The following KRR1 variants were observed in gnomAD, a reference collection of about 807,000 sequenced individuals.
KRR1 encodes the protein KRR1 small subunit processome component.
Under a neutral mutation model 50.0 loss-of-function variants are expected in KRR1, and 23 were observed. The observed-to-expected ratio is 0.46, with a 90% CI of 0.33 to 0.65. The LOEUF is 0.65. Among genes scored for constraint, KRR1 ranks in the 30% least tolerant of loss-of-function variants. KRR1 has a pLI of 0.02. For synonymous variants in KRR1, 133 were observed against 146.3 expected, an observed-to-expected ratio of 0.91 and a Z score of 0.66; for missense variants, 419 against 442.4, an observed-to-expected ratio of 0.95 and a Z score of 0.47.
In KRR1 at chr12:75,499,161, A is replaced by G. The variant is rs1490611516; in HGVS notation, c.*648T>C. The G allele has an allele frequency of 4.6e-6, 2 of 439,522 alleles. No homozygotes were observed. The highest frequency in any genetic ancestry group is 4.1e-5 in the African/African-American group (2 of 48,628). 27.2% of individuals were successfully genotyped at this position (439,522 alleles called of 1,614,324 possible). A position where few individuals can be genotyped will look rare whatever the true frequency, so the allele number is the denominator to read the frequency against. ...TATCAGATAAACTCATCTTTAGTAT[A>G]AATAAGCATTATTTGCAGGTTGCCA... On this transcript the variant is annotated 3_prime_UTR_variant, in exon 10 of 10. Coordinates refer to ENST00000229214, the MANE Select transcript of KRR1 (RefSeq NM_007043.7).
Position 75,503,888 on chromosome 12 carries a change from T to C in KRR1, c.831+16A>G, listed in dbSNP as rs1594068101. On this transcript the variant is annotated intron_variant, in intron 7 of 9. Transcript: ENST00000229214. ...ATAGATTCTCCTTCATATGAAGTTC[T>C]ACATTTAGTACTAACCTGACTTTCT... 1 of 1,576,172 alleles carries C rather than the reference T, an allele frequency of 6.3e-7. No individual in the cohort carries two copies.
At position 75,495,794 on chromosome 12, in the gene KRR1, C is replaced by T. The variant is rs118036292; in HGVS notation, c.*4015G>A. 1.5e-3 allele frequency: 885 copies of T among 573,750 alleles called. 9 individuals carry two copies. In the East Asian group the frequency reaches 0.017, roughly 11 times the overall value. 35.5% of individuals were successfully genotyped at this position (573,750 alleles called of 1,614,324 possible). A position where few individuals can be genotyped will look rare whatever the true frequency, so the allele number is the denominator to read the frequency against. On this transcript the variant is annotated 3_prime_UTR_variant, in exon 10 of 10. Coordinates refer to ENST00000229214, the MANE Select transcript of KRR1 (RefSeq NM_007043.7). ...AAACTGGCATCAAGTAGCAATTAAACCAATGGCTTACTGTTCTAGGAATAC... is the reference window on the plus strand; with the variant it reads ...AAACTGGCATCAAGTAGCAATTAAATCAATGGCTTACTGTTCTAGGAATAC...
chr12:75,501,796 G>T lies in KRR1; in HGVS notation c.930C>A (p.Ile310=). 3 of 1,609,418 alleles carry T rather than the reference G, an allele frequency of 1.9e-6. No homozygotes were observed. Among genetic ancestry groups the T allele is most frequent in the Non-Finnish European group, 2.5e-6 (3 of 1,177,552 alleles). The part of the protein sequence containing the change: ...EAIKAKQAEA[I]SKRQEERNKA... Reference sequence around the variant, plus strand: ...TGTTTCTTTCCTCTTGTCTCTTACTGATGGCTTCTGCTTGTTTAGCCTACA... The same window carrying T: ...TGTTTCTTTCCTCTTGTCTCTTACTTATGGCTTCTGCTTGTTTAGCCTACA... Residue 310 remains isoleucine, a synonymous_variant, in exon 9 of 10, where the codon ATC becomes ATA. Coordinates refer to ENST00000229214, the MANE Select transcript of KRR1 (RefSeq NM_007043.7).
At chr12:75,505,035 G>A (rs976250208) in intron 6 of KRR1, among the ~76,000 whole-genome samples, 163 bp downstream of exon 6, 8 of 151,998 alleles carry the variant, frequency 5.3e-5, no homozygotes, top group African/African-American at 1.7e-4. Flanking sequence ...CAAAACTGGG[G>A]TAGAATTAAG....
At chr12:75,509,022 T>C (rs534005038) in intron 1 of KRR1, among the ~76,000 whole-genome samples, 1 of 152,312 alleles carries the variant, frequency 6.6e-6, no homozygotes, top group South Asian at 2.1e-4. Flanking sequence ...ATCTGTATTA[T>C]TATTCTCATT....
chr12:75,510,148 T>G (rs2046440393), intron 1 of KRR1, among the ~76,000 whole-genome samples: 1 of 152,258 alleles, frequency 6.6e-6, no homozygotes, highest in East Asian at 1.9e-4. Context: ...TCAGATAACA[T>G]GTATTCATAC....
chr12:75,508,033 A>G (rs1200509260), intron 2 of KRR1, among the ~76,000 whole-genome samples: 3 of 152,206 alleles, frequency 2.0e-5, no homozygotes, highest in African/African-American at 7.2e-5. Context: ...ACAGTTGTGA[A>G]GCTCCTAAAA....
rs1295040843 is a variant in KRR1, at chr12:75,497,711, C to G, written c.*2098G>C. ...ATGGCAAGCACTGGAGCATAAATTC[C>G]TTCGTGGTATTCCTTCGTGGTCTCC... On this transcript the variant is annotated 3_prime_UTR_variant, in exon 10 of 10. Coordinates refer to ENST00000229214, the MANE Select transcript of KRR1 (RefSeq NM_007043.7). The G allele has an allele frequency of 6.6e-6, 1 of 151,952 alleles. No individual in the cohort carries two copies. Among genetic ancestry groups the G allele is most frequent in the Non-Finnish European group, 1.5e-5 (1 of 67,992 alleles). The allele number at this position is 151,952 out of a possible 1,614,324, so 9.4% of individuals were successfully genotyped here. A position where few individuals can be genotyped will look rare whatever the true frequency, so the allele number is the denominator to read the frequency against.
chr12:75,508,748 T>C (rs571159089), intron 1 of KRR1, among the ~76,000 whole-genome samples: 14 of 152,372 alleles, frequency 9.2e-5, no homozygotes, highest in Admixed American at 3.9e-4. Context: ...GCCAGGCAGA[T>C]AGTGAGTACT....
chr12:75,492,063 T>A lies in KRR1; in HGVS notation c.*7746A>T, dbSNP rs2046326803. ...CAGAAAAAACTAGACAAAGCCATAATTCAGTTAGTGGTAACTTTTCATGAC... is the reference window on the plus strand; with the variant it reads ...CAGAAAAAACTAGACAAAGCCATAAATCAGTTAGTGGTAACTTTTCATGAC... On this transcript the variant is annotated 3_prime_UTR_variant, in exon 10 of 10. Transcript: ENST00000229214. The A allele has an allele frequency of 6.6e-6, 1 of 151,276 alleles. No individual in the cohort carries two copies. 9.4% of individuals were successfully genotyped at this position (151,276 alleles called of 1,614,324 possible). A position where few individuals can be genotyped will look rare whatever the true frequency, so the allele number is the denominator to read the frequency against.
rs1430718452 is a variant in KRR1 at position 75,495,580 on chromosome 12, G to T, written c.*4229C>A. 1 of 1,589,986 alleles carries T rather than the reference G, an allele frequency of 6.3e-7. No homozygotes were observed. Among genetic ancestry groups the T allele is most frequent in the East Asian group, 2.2e-5 (1 of 44,750 alleles). On this transcript the variant is annotated 3_prime_UTR_variant, in exon 10 of 10. Coordinates refer to ENST00000229214, the MANE Select transcript of KRR1 (RefSeq NM_007043.7). ...ACATCCTTCTTCTGCTTTACAGAGG[G>T]AATTACCCAACTTGGCCATATAAGA...
In KRR1 at chr12:75,505,193, C is replaced by G; in HGVS notation, c.660+5G>C. The stretch of plus-strand genomic sequence containing the variant: ...CTGGTACAGTTATATATAATTACCA[C>G]TCACTTTAATGTTATAAATTGGATG... On this transcript the variant is annotated splice_donor_5th_base_variant and intron_variant, in intron 6 of 9. Coordinates refer to ENST00000229214, the MANE Select transcript of KRR1 (RefSeq NM_007043.7). The G allele has an allele frequency of 3.2e-6, 5 of 1,545,728 alleles. No individual in the cohort carries two copies. The highest frequency in any genetic ancestry group is 4.4e-6 in the Non-Finnish European group (5 of 1,136,022).
At chr12:75,511,417 C>A (rs1208851814) in intron 1 of KRR1, 96 bp downstream of exon 1, 1 of 1,072,246 alleles carries the variant, frequency 9.3e-7, no homozygotes, top group Non-Finnish European at 1.5e-6. Context: ...ACAGTACAGG[C>A]TCCAGGTGGT....
chr12:75,508,351 C>T lies in KRR1; in HGVS notation c.181G>A (p.Ala61Thr), dbSNP rs549769836. ...PRGLLEESSF[A>T]TLFPKYREAY... The stretch of plus-strand genomic sequence containing the variant: ...TCCCTGTATTTTGGGAACAAAGTTG[C>T]GAAACTGCTCTCCTCCAAAAGTCCT... The change falls in exon 2 of 10, where the codon GCA (alanine) becomes ACA (threonine). Residue 61 changes from alanine to threonine, a missense_variant. Transcript: ENST00000229214. 1.7e-5 allele frequency: 27 copies of T among 1,613,474 alleles called. No homozygotes were observed. The highest frequency in any genetic ancestry group is 1.9e-5 in the Non-Finnish European group (23 of 1,179,740).
Position 75,495,889 on chromosome 12 carries a change from C to A in KRR1, c.*3920G>T, listed in dbSNP as rs558301325. 8.0e-4 allele frequency: 251 copies of A among 312,542 alleles called. No individual in the cohort carries two copies. The highest frequency in any genetic ancestry group is 1.9e-3 in the Middle Eastern group (2 of 1,080). 19.4% of individuals were successfully genotyped at this position (312,542 alleles called of 1,614,324 possible). On this transcript the variant is annotated 3_prime_UTR_variant, in exon 10 of 10. Transcript: ENST00000229214. ...GTTCTAATTGGTCAAACAACAACAA[C>A]AAAAAAAACTGTCAGAAACTGTAGA...
chr12:75,510,532 C>T (rs1445175830), intron 1 of KRR1, among the ~76,000 whole-genome samples: 2 of 152,126 alleles, frequency 1.3e-5, no homozygotes, highest in Non-Finnish European at 2.9e-5. Context: ...AAAATGCATA[C>T]GGTCCACTTT....
At position 75,499,053 on chromosome 12, in the gene KRR1, G is replaced by GGTGTACTTCTATTTTAAAACATTT; in HGVS notation, c.*732_*755dup. ...CTTTTTTTTTAACCAATAACAATTA[G>GGTGTACTTCTATTTTAAAACATTT]GTGTACTTCTATTTTAAAACATTTC... On this transcript the variant is annotated 3_prime_UTR_variant, in exon 10 of 10. Coordinates refer to ENST00000229214, the MANE Select transcript of KRR1 (RefSeq NM_007043.7). 2.3e-6 allele frequency: 2 copies of GGTGTACTTCTATTTTAAAACATTT among 885,056 alleles called. No homozygotes were observed. The highest frequency in any genetic ancestry group is 4.2e-5 in the South Asian group (2 of 48,172). The allele number at this position is 885,056 out of a possible 1,614,324, so 54.8% of individuals were successfully genotyped here. A position where few individuals can be genotyped will look rare whatever the true frequency, so the allele number is the denominator to read the frequency against.
At position 75,505,224 on chromosome 12, in the gene KRR1, T is replaced by G. The variant is rs768837362; in HGVS notation, c.634A>C (p.Asn212His). ...TTAATGTTATAAATTGGATGAATAT[T>G]CTTCATAGTATCAAGGACTACTTTT... is the stretch of plus-strand genomic sequence containing the variant. ...VRKVVLDTMK[N>H]IHPIYNIKSL... is the part of the protein sequence containing the mutation. The change falls in exon 6 of 10, where the codon AAT becomes CAT. Residue 212 changes from asparagine to histidine, a missense_variant. Coordinates refer to ENST00000229214, the MANE Select transcript of KRR1 (RefSeq NM_007043.7). The G allele has an allele frequency of 6.4e-7, 1 of 1,571,620 alleles. No individual in the cohort carries two copies. Among genetic ancestry groups the G allele is most frequent in the Non-Finnish European group, 8.7e-7 (1 of 1,153,790 alleles).
In KRR1 at chr12:75,492,425, G is replaced by T. The variant is rs929550562; in HGVS notation, c.*7384C>A. 2.0e-5 allele frequency: 3 copies of T among 152,166 alleles called. No individual in the cohort carries two copies. The highest frequency in any genetic ancestry group is 7.2e-5 in the African/African-American group (3 of 41,420). 9.4% of individuals were successfully genotyped at this position (152,166 alleles called of 1,614,324 possible). A position where few individuals can be genotyped will look rare whatever the true frequency, so the allele number is the denominator to read the frequency against. Reference sequence around the variant, plus strand: ...GGTTAAGATACAATTAATTTACTGTGTGACCCTGGACAAGTTAACTCTGAA... The same window carrying T: ...GGTTAAGATACAATTAATTTACTGTTTGACCCTGGACAAGTTAACTCTGAA... On this transcript the variant is annotated 3_prime_UTR_variant, in exon 10 of 10. Coordinates refer to ENST00000229214, the MANE Select transcript of KRR1 (RefSeq NM_007043.7).
Sources: gnomAD v4.1 joint callset for allele counts (sites outside exome capture counted in the v4.1 genomes callset) on GRCh38, gnomAD v4.1.1 for gene constraint, MANE v1.5 for transcripts, NCBI Gene and HGNC (gene_info 2026-07-23, HGNC 2026-07-21) for gene names.